The following GLCE variants were observed in gnomAD, a reference collection of about 807,000 sequenced individuals.
The protein encoded by GLCE is glucuronic acid epimerase, also known as D-glucuronyl C5-epimerase.
Under a neutral mutation model 47.9 loss-of-function variants are expected in GLCE, and 19 were observed. The observed-to-expected ratio is 0.40, with a 90% CI of 0.28 to 0.58. GLCE has a LOEUF of 0.58. Among genes scored for constraint, GLCE ranks in the 20% least tolerant of loss-of-function variants. GLCE has a pLI of 0.48. For synonymous variants in GLCE, 245 were observed against 263.4 expected (o/e 0.93, Z 0.68); for missense variants, 556 against 743.3 (o/e 0.75, Z 2.93).
At chr15:69,225,104 T>C (rs537657967) in intron 2 of GLCE, among the ~76,000 whole-genome samples, 22 of 152,316 alleles carry the variant, frequency 1.4e-4, no homozygotes, top group Admixed American at 3.9e-4. Context: ...CATAGTGATA[T>C]AATATGTCTA....
At chr15:69,179,762 A>C (rs1215051980) in intron 1 of GLCE, among the ~76,000 whole-genome samples, 2 of 152,170 alleles carry the variant, frequency 1.3e-5, no homozygotes, top group Non-Finnish European at 2.9e-5. Flanking sequence ...AGGCGGGTGG[A>C]TCACTTGAGA....
intron 1 of GLCE, among the ~76,000 whole-genome samples, chr15:69,163,175 G>T (rs546302747): frequency 1.3e-5 from 2 of 152,094 alleles, no homozygotes; most frequent in East Asian, 3.9e-4. Flanking sequence ...TCCTTTTTTT[G>T]AGAGAAAGAC....
chr15:69,206,887 T>A (rs1295189365), intron 1 of GLCE, among the ~76,000 whole-genome samples: 3 of 152,088 alleles, frequency 2.0e-5, no homozygotes, highest in Non-Finnish European at 2.9e-5. Context: ...TACATTTGTA[T>A]ATTAATCATG....
intron 1 of GLCE, among the ~76,000 whole-genome samples, chr15:69,171,493 T>A (rs547924921): frequency 1.3e-5 from 2 of 151,206 alleles, no homozygotes; most frequent in South Asian, 4.2e-4. Flanking sequence ...GCCTCCCAGG[T>A]TCAAGCAATT....
chr15:69,242,446 T>A (rs760348216), intron 2 of GLCE, among the ~76,000 whole-genome samples: 8 of 152,084 alleles, frequency 5.3e-5, no homozygotes, highest in Non-Finnish European at 1.2e-4. Flanking sequence ...TTCCTCAGTA[T>A]CAGATGTTAA....
chr15:69,232,380 C>A (rs951815841), intron 2 of GLCE, among the ~76,000 whole-genome samples: 8 of 152,018 alleles, frequency 5.3e-5, no homozygotes, highest in Non-Finnish European at 4.4e-5. Context: ...TGTTATATTA[C>A]GAAATGTCTT....
intron 2 of GLCE, among the ~76,000 whole-genome samples, chr15:69,222,810 T>A (rs1290210976): frequency 6.6e-6 from 1 of 152,260 alleles, no homozygotes; most frequent in African/African-American, 2.4e-5. Context: ...GAATCCATAG[T>A]TGATTTTTTT....
intron 2 of GLCE, among the ~76,000 whole-genome samples, chr15:69,245,489 G>A (rs1191713543): frequency 6.6e-6 from 1 of 152,116 alleles, no homozygotes; most frequent in Non-Finnish European, 1.5e-5. Context: ...TCAGGGTGGT[G>A]GTTGCTGAAG....
At chr15:69,216,651 A>AAAGTTCTAT (rs2052311938) in intron 2 of GLCE, among the ~76,000 whole-genome samples, 1 of 152,208 alleles carries the variant, frequency 6.6e-6, no homozygotes, top group South Asian at 2.1e-4. Flanking sequence ...CTGTATAACA[A>AAAGTTCTAT]ATAGAAAGTT....
intron 1 of GLCE, among the ~76,000 whole-genome samples, chr15:69,163,458 C>T (rs2051457154): frequency 1.3e-5 from 2 of 151,792 alleles, no homozygotes; most frequent in South Asian, 4.2e-4. Flanking sequence ...TTTTAGTAAC[C>T]CCTGAATGAT....
In GLCE at chr15:69,269,617, T is replaced by C; in HGVS notation, c.*373T>C. The stretch of plus-strand genomic sequence containing the variant: ...CTGAAAACTTAGTATGGAGCTCTTT[T>C]AAAATGTGATTATTTATATTTATGT... On this transcript the variant is annotated 3_prime_UTR_variant, in exon 5 of 5. Transcript: ENST00000261858. The C allele has an allele frequency of 1.1e-5, 2 of 176,056 alleles. No homozygotes were observed. The highest frequency in any genetic ancestry group is 2.6e-3 in the Middle Eastern group (1 of 390). The allele number at this position is 176,056 out of a possible 1,614,324, so 10.9% of individuals were successfully genotyped here.
intron 2 of GLCE, among the ~76,000 whole-genome samples, chr15:69,243,748 C>G (rs2052708022): frequency 8.5e-6 from 1 of 118,254 alleles, no homozygotes; most frequent in Non-Finnish European, 1.9e-5. Context: ...CCCTTGACTT[C>G]TTGCCTTTTT....
chr15:69,207,316 A>T (rs927226944), intron 1 of GLCE, among the ~76,000 whole-genome samples: 1 of 152,054 alleles, frequency 6.6e-6, no homozygotes, highest in African/African-American at 2.4e-5. Context: ...GTGGGTTTTG[A>T]CAAATGCATA....
rs1595740289 is a variant in GLCE, at chr15:69,181,809, T to C, written c.-105+21052T>C. ...GATGTTCAAAGAGTTTTTTTGTTTT[T>C]TGTTTTTGTTTTGACGTGTTTGTAG... On this transcript the variant is annotated intron_variant, in intron 1 of 4. Coordinates refer to ENST00000261858, the MANE Select transcript of GLCE (RefSeq NM_015554.3). Among the ~76,000 whole-genome samples the C allele has an allele frequency of 1.3e-5, 2 of 152,112 alleles. 1 individual carries two copies. Among genetic ancestry groups the C allele is most frequent in the Middle Eastern group, 6.8e-3 (2 of 294 alleles).
rs1421219103 is a variant in GLCE, at chr15:69,269,255, C to T, written c.*11C>T. On this transcript the variant is annotated 3_prime_UTR_variant, in exon 5 of 5. Transcript: ENST00000261858. The stretch of plus-strand genomic sequence containing the variant: ...GCAAAGCACAACTAGAGCTCACAAC[C>T]AAAACTGCACTTCAGCCTCTGCTGT... 6.2e-7 allele frequency: 1 copy of T among 1,606,892 alleles called. No homozygotes were observed. The highest frequency in any genetic ancestry group is 8.5e-7 in the Non-Finnish European group (1 of 1,174,272).
intron 2 of GLCE, among the ~76,000 whole-genome samples, chr15:69,234,464 A>G (rs1272806536): frequency 6.6e-6 from 1 of 152,128 alleles, no homozygotes. Flanking sequence ...CCTAGTGCCA[A>G]GATTTTAGGT....
Position 69,269,310 on chromosome 15 carries a change from G to C in GLCE, c.*66G>C. On this transcript the variant is annotated 3_prime_UTR_variant, in exon 5 of 5. Coordinates refer to ENST00000261858, the MANE Select transcript of GLCE (RefSeq NM_015554.3). ...AGAAACTACAGGCTCTGTCTCAGGA[G>C]AGCATAGGCACATTTTAAAAGGTTA... 1 of 1,265,366 alleles carries C rather than the reference G, an allele frequency of 7.9e-7. No homozygotes were observed. Among genetic ancestry groups the C allele is most frequent in the Admixed American group, 1.9e-5 (1 of 51,486 alleles). The allele number at this position is 1,265,366 out of a possible 1,614,324, so 78.4% of individuals were successfully genotyped here.
chr15:69,226,078 A>G (rs1001536850), intron 2 of GLCE, among the ~76,000 whole-genome samples: 20 of 151,326 alleles, frequency 1.3e-4, no homozygotes, highest in African/African-American at 4.6e-4. Context: ...ACACACAGAC[A>G]CACACACACC....
At chr15:69,199,961 T>C (rs1385131575) in intron 1 of GLCE, among the ~76,000 whole-genome samples, 5 of 152,196 alleles carry the variant, frequency 3.3e-5, no homozygotes, top group Admixed American at 2.0e-4. Context: ...GATTCCTTAA[T>C]CACTTATTTG....
Sources: allele counts gnomAD v4.1 joint callset (sites outside exome capture counted in the v4.1 genomes callset), GRCh38; gene constraint gnomAD v4.1.1; transcripts MANE v1.5; gene names NCBI Gene and HGNC (gene_info 2026-07-23, HGNC 2026-07-21).